The following CDR2 variants were observed in gnomAD, a reference collection of about 807,000 sequenced individuals.
The protein encoded by CDR2 is cerebellar degeneration related protein 2.
Under a neutral mutation model 48.4 loss-of-function variants are expected in CDR2, and 34 were observed. That is an observed-to-expected ratio of 0.70 (90% CI 0.53 to 0.94). The LOEUF (loss-of-function observed/expected upper bound fraction) is 0.94, where lower values mean the gene tolerates loss of function less well. CDR2 is among the 40% of genes least tolerant of loss of function. The probability of loss-of-function intolerance (pLI) is 0.00; values close to 1 mark genes in which losing one functional copy is unlikely to be tolerated. For synonymous variants in CDR2, 240 were observed against 219.7 expected (o/e 1.09, Z -0.82); for missense variants, 498 against 549.5 (o/e 0.91, Z 0.94).
rs534868060 is a variant in CDR2, at chr16:22,346,713, C to G, written c.*252G>C. On this transcript the variant is annotated 3_prime_UTR_variant, in exon 5 of 5. Transcript: ENST00000268383. Reference sequence around the variant, plus strand: ...TCCCTCCACTGGTCCTTTTCAGGAACTGAAGTCTAATCAGCGCGCCAGCCA... The same window carrying G: ...TCCCTCCACTGGTCCTTTTCAGGAAGTGAAGTCTAATCAGCGCGCCAGCCA... The G allele has an allele frequency of 1.8e-5, 9 of 492,476 alleles. No individual in the cohort carries two copies. The highest frequency in any genetic ancestry group is 3.3e-5 in the Non-Finnish European group (9 of 274,052). The allele number at this position is 492,476 out of a possible 1,614,324, so 30.5% of individuals were successfully genotyped here.
chr16:22,358,598 T>C (rs928442433), intron 2 of CDR2, among the ~76,000 whole-genome samples: 1 of 152,100 alleles, frequency 6.6e-6, no homozygotes, highest in African/African-American at 2.4e-5. Context: ...TGCATAGAAA[T>C]GGAGTGGAAA....
At chr16:22,360,869 C>A (rs1366826365) in intron 2 of CDR2, among the ~76,000 whole-genome samples, 1 of 150,498 alleles carries the variant, frequency 6.6e-6, no homozygotes, top group East Asian at 1.9e-4. Flanking sequence ...CCTGCCTCAG[C>A]CTCCCGAGTA....
intron 1 of CDR2, among the ~76,000 whole-genome samples, chr16:22,373,281 G>C (rs765864457): frequency 2.0e-5 from 3 of 152,186 alleles, no homozygotes; most frequent in Non-Finnish European, 2.9e-5. Flanking sequence ...CCATCGGCAG[G>C]CCTGTTTCTA....
chr16:22,374,120 T>C (rs898335202), intron 1 of CDR2, 111 bp downstream of exon 1: 2 of 684,588 alleles, frequency 2.9e-6, no homozygotes, highest in South Asian at 1.7e-5. Flanking sequence ...GCCTGAGCCC[T>C]TCCCGGCACC....
chr16:22,366,529 C>G (rs1598296259), intron 1 of CDR2, among the ~76,000 whole-genome samples: 1 of 152,218 alleles, frequency 6.6e-6, no homozygotes, highest in East Asian at 1.9e-4. Flanking sequence ...CCATGTGTAT[C>G]CATCAGGGAA....
rs2048929452 is a variant in CDR2 at position 22,349,709 on chromosome 16, CTT to C, written c.331_332del (p.Lys111AspfsTer6). The C allele has an allele frequency of 6.2e-7, 1 of 1,613,982 alleles. No homozygotes were observed. The highest frequency in any genetic ancestry group is 1.3e-5 in the African/African-American group (1 of 74,916). ...LVADSKASQQ[K>X]ILSLTETIEC... is the part of the protein sequence containing the mutation. ...GATTCTAGAAAATTTACCTCAGAATCTTTTGCTGTGAGGCCTTGCTGTCAGCA... is the reference window on the plus strand; with the variant it reads ...GATTCTAGAAAATTTACCTCAGAATCTTGCTGTGAGGCCTTGCTGTCAGCA... On this transcript the variant is annotated frameshift_variant, in exon 3 of 5. Coordinates refer to ENST00000268383, the MANE Select transcript of CDR2 (RefSeq NM_001802.2). LOFTEE classifies it high-confidence loss of function.
rs2049105859 is a variant in CDR2, at chr16:22,374,531, G to A, written c.-222C>T. 4.7e-6 allele frequency: 1 copy of A among 211,806 alleles called. No homozygotes were observed. Among genetic ancestry groups the A allele is most frequent in the Non-Finnish European group, 9.2e-6 (1 of 108,134 alleles). 13.1% of individuals were successfully genotyped at this position (211,806 alleles called of 1,614,324 possible). On this transcript the variant is annotated 5_prime_UTR_variant, in exon 1 of 5. Transcript: ENST00000268383. ...GCGCCTACCGACGGCCCCAACGGCC[G>A]GGCATTACGGTGCGAACGCCTGGAG...
In CDR2 at chr16:22,353,509, G is replaced by A. The variant is rs147148996; in HGVS notation, c.193-3660C>T. ...TGGACTATGTCACCCCAAAGCATGC[G>A]TCTTTGGCATAAAAAGGTTCCTGCC... is the stretch of plus-strand genomic sequence containing the variant. On this transcript the variant is annotated intron_variant, in intron 2 of 4. Transcript: ENST00000268383. Among the ~76,000 whole-genome samples, 161 of 152,234 alleles carry A rather than the reference G, an allele frequency of 1.1e-3. 1 individual carries two copies. The East Asian group carries it at 0.028, about 27-fold the overall frequency.
At chr16:22,362,764 T>A (rs1013699793) in intron 2 of CDR2, among the ~76,000 whole-genome samples, 1 of 152,228 alleles carries the variant, frequency 6.6e-6, no homozygotes, top group African/African-American at 2.4e-5. Flanking sequence ...AGTTTTGTTT[T>A]TAGACTAGAG....
At position 22,364,935 on chromosome 16, in the gene CDR2, A is replaced by T; in HGVS notation, c.159T>A (p.Tyr53Ter). The change falls in exon 2 of 5, where the codon TAT becomes TAA. Residue 53 changes from tyrosine (Y) to a stop codon, truncating the protein, a stop_gained. Coordinates refer to ENST00000268383, the MANE Select transcript of CDR2 (RefSeq NM_001802.2). LOFTEE classifies it high-confidence loss of function. ...TELEDSVQQM[Y>*]TTNQEQLQEI... ...CCTGTAACTGCTCCTGATTGGTTGTATACATCTGCTGAACAGAGTCCTCCA... is the reference window on the plus strand; with the variant it reads ...CCTGTAACTGCTCCTGATTGGTTGTTTACATCTGCTGAACAGAGTCCTCCA... 1 of 1,612,542 alleles carries T rather than the reference A, an allele frequency of 6.2e-7. No homozygotes were observed. The highest frequency in any genetic ancestry group is 8.5e-7 in the Non-Finnish European group (1 of 1,178,520).
chr16:22,356,940 C>CAAAAAA (rs1047380020), intron 2 of CDR2, among the ~76,000 whole-genome samples: 3 of 28,870 alleles, frequency 1.0e-4, no homozygotes, highest in Admixed American at 3.9e-4. Context: ...GACTCCATCT[C>CAAAAAA]AAAAAAAAAA....
chr16:22,361,510 A>G (rs1259210344), intron 2 of CDR2, among the ~76,000 whole-genome samples: 1 of 152,226 alleles, frequency 6.6e-6, no homozygotes, highest in Non-Finnish European at 1.5e-5. Context: ...GACCTCAGAA[A>G]TCTACATCGT....
At chr16:22,361,003 C>G (rs905050272) in intron 2 of CDR2, among the ~76,000 whole-genome samples, 1 of 152,132 alleles carries the variant, frequency 6.6e-6, no homozygotes, top group Non-Finnish European at 1.5e-5. Flanking sequence ...TCCGCCTCAG[C>G]CTCCCAAAGT....
chr16:22,366,686 C>T (rs1266134725), intron 1 of CDR2, among the ~76,000 whole-genome samples: 1 of 152,072 alleles, frequency 6.6e-6, no homozygotes, highest in Non-Finnish European at 1.5e-5. Flanking sequence ...TCCAAGATGG[C>T]CAGTTTGCGG....
intron 2 of CDR2, among the ~76,000 whole-genome samples, chr16:22,361,077 TA>T (rs1477249283): frequency 6.6e-6 from 1 of 152,152 alleles, no homozygotes; most frequent in Non-Finnish European, 1.5e-5. Context: ...TAATTCCCAA[TA>T]AACATTCTAA....
chr16:22,361,994 C>T (rs900095684), intron 2 of CDR2, among the ~76,000 whole-genome samples: 18 of 150,776 alleles, frequency 1.2e-4, no homozygotes, highest in South Asian at 4.2e-4. Flanking sequence ...CTCCGCCTCC[C>T]GGGTTCACGC....
chr16:22,355,805 CCT>C (rs562569099), intron 2 of CDR2, among the ~76,000 whole-genome samples: 73 of 152,288 alleles, frequency 4.8e-4, no homozygotes, highest in East Asian at 1.3e-3. Context: ...TTCCTCAGCC[CCT>C]GTCTATAAAA....
intron 2 of CDR2, among the ~76,000 whole-genome samples, chr16:22,357,431 CGAACT>C (rs1555487758): frequency 6.6e-6 from 1 of 152,124 alleles, no homozygotes; most frequent in Non-Finnish European, 1.5e-5. Flanking sequence ...AAAATACTGG[CGAACT>C]GGCAGTTTCT....
chr16:22,364,232 C>A (rs768002303), intron 2 of CDR2, among the ~76,000 whole-genome samples: 1 of 152,262 alleles, frequency 6.6e-6, no homozygotes, highest in South Asian at 2.1e-4. Context: ...CATAAGCCAC[C>A]ACACTCAGCC....
Sources: gnomAD v4.1 joint callset for allele counts (sites outside exome capture counted in the v4.1 genomes callset) on GRCh38, gnomAD v4.1.1 for gene constraint, MANE v1.5 for transcripts, NCBI Gene and HGNC (gene_info 2026-07-23, HGNC 2026-07-21) for gene names.